Variants in MNAT1 observed in about 807,000 individuals in gnomAD.
The protein encoded by MNAT1 is MNAT1 component of CDK activating kinase, also known as CDK-activating kinase assembly factor MAT1.
A neutral mutation model predicts 42.0 loss-of-function variants in MNAT1; 43 were observed. The observed-to-expected ratio is 1.02, with a 90% CI of 0.80 to 1.32. The LOEUF (loss-of-function observed/expected upper bound fraction) is 1.32. Among genes scored for constraint, MNAT1 ranks in the 40% most tolerant of loss-of-function variants. The probability of loss-of-function intolerance (pLI) is 0.00; values close to 1 mark genes in which losing one functional copy is unlikely to be tolerated. For missense variants in MNAT1, 306 were observed against 350.4 expected (o/e 0.87, Z 1.01); for synonymous variants, 118 against 120.0 (o/e 0.98, Z 0.11).
intron 7 of MNAT1, chr14:60,880,171 T>G (rs1206418269): frequency 5.8e-6 from 1 of 173,526 alleles, no homozygotes; most frequent in East Asian, 1.6e-4. Context: ...AATAAAAATA[T>G]GAATTGGGCT....
chr14:60,862,353 T>C (rs962515638), intron 6 of MNAT1, among the ~76,000 whole-genome samples: 3 of 152,236 alleles, frequency 2.0e-5, no homozygotes, highest in African/African-American at 7.2e-5. Context: ...AAAAACTCTT[T>C]GTGCAATTAA....
Position 60,875,646 on chromosome 14 carries a change from G to A in MNAT1, c.688-4068G>A, listed in dbSNP as rs140668339. ...TAGTGCCTAGCACAGAATAAATAAT[G>A]TTAACTATTCTTATTCAGTGACCTT... On this transcript the variant is annotated intron_variant, in intron 6 of 7. Coordinates refer to ENST00000261245, the MANE Select transcript of MNAT1 (RefSeq NM_002431.4). Among the ~76,000 whole-genome samples the A allele has an allele frequency of 1.9e-3, 294 of 152,132 alleles. 1 individual carries two copies. Among genetic ancestry groups the A allele is most frequent in the African/African-American group, 6.5e-3 (268 of 41,546 alleles).
intron 6 of MNAT1, among the ~76,000 whole-genome samples, chr14:60,834,260 T>G (rs1003956353): frequency 6.6e-6 from 1 of 152,198 alleles, no homozygotes; most frequent in Non-Finnish European, 1.5e-5. Context: ...TTAATTGTGA[T>G]GTTAGTGTGT....
chr14:60,825,195 A>G (rs1266378491), intron 6 of MNAT1, among the ~76,000 whole-genome samples: 2 of 152,228 alleles, frequency 1.3e-5, no homozygotes, highest in Admixed American at 1.3e-4. Context: ...AAGAATATGT[A>G]GATTAAAATC....
In MNAT1 at chr14:60,798,068, C is replaced by CT; in HGVS notation, c.243-13dup. On this transcript the variant is annotated intron_variant, in intron 2 of 7. Transcript: ENST00000261245. ...GCAATGATATGTAATATGTAGATTT[C>CT]TTTTTTCTTTTCTTAAAGATACAAT... 8.1e-7 allele frequency: 1 copy of CT among 1,234,326 alleles called. No homozygotes were observed. The allele number at this position is 1,234,326 out of a possible 1,614,324, so 76.5% of individuals were successfully genotyped here.
chr14:60,741,435 C>T (rs560797318), intron 1 of MNAT1, among the ~76,000 whole-genome samples: 3 of 152,164 alleles, frequency 2.0e-5, no homozygotes, highest in South Asian at 4.2e-4. Context: ...TCTCAGCTCA[C>T]GGCAAGCTCC....
chr14:60,904,803 A>C (rs973985865), intron 7 of MNAT1, among the ~76,000 whole-genome samples: 3 of 152,038 alleles, frequency 2.0e-5, no homozygotes, highest in Non-Finnish European at 4.4e-5. Context: ...ATATTTTTAC[A>C]GGACCCTTAA....
chr14:60,775,409 C>G (rs1049655184), intron 1 of MNAT1, among the ~76,000 whole-genome samples: 1 of 152,114 alleles, frequency 6.6e-6, no homozygotes, highest in South Asian at 2.1e-4. Context: ...GCAGTATAGA[C>G]AACTCTTGTT....
chr14:60,911,324 G>T lies in MNAT1; in HGVS notation c.809+31489G>T, dbSNP rs550505675. 2.3e-4 allele frequency among the ~76,000 whole-genome samples: 35 copies of T among 151,940 alleles called. 1 individual carries two copies. In the South Asian group the frequency reaches 6.7e-3, roughly 29 times the overall value. ...AAGGGTTTTTTGTGTCTCTATTTCC[G>T]TCAGTTCTGCTCTGACTTAGTTATG... is the stretch of plus-strand genomic sequence containing the variant. On this transcript the variant is annotated intron_variant, in intron 7 of 7. Transcript: ENST00000261245.
chr14:60,822,718 ACAGGTGTGAGCCAGTGTGCT>A (rs1394577242), intron 6 of MNAT1, among the ~76,000 whole-genome samples: 2 of 151,474 alleles, frequency 1.3e-5, no homozygotes, highest in African/African-American at 2.4e-5. Context: ...TGCTAGGATT[ACAGGTGTGAGCCAGTGTGCT>A]CAGGCGGGAG....
intron 7 of MNAT1, among the ~76,000 whole-genome samples, chr14:60,964,595 C>A (rs1249986802): frequency 6.6e-6 from 1 of 152,114 alleles, no homozygotes; most frequent in Admixed American, 6.5e-5. Context: ...CCATGAAAAA[C>A]AGGAATAGTG....
intron 1 of MNAT1, among the ~76,000 whole-genome samples, chr14:60,742,200 T>A (rs1415282181): frequency 6.6e-6 from 1 of 152,040 alleles, no homozygotes; most frequent in Non-Finnish European, 1.5e-5. Flanking sequence ...ATCCTTCCAC[T>A]TCAGCCACCC....
intron 7 of MNAT1, among the ~76,000 whole-genome samples, chr14:60,910,797 T>G (rs537948339): frequency 2.5e-4 from 38 of 152,312 alleles, no homozygotes; most frequent in South Asian, 1.0e-3. Context: ...TTTTTGGTTG[T>G]GTCTCTGCCC....
At chr14:60,843,529 C>G (rs1034728575) in intron 6 of MNAT1, among the ~76,000 whole-genome samples, 1 of 152,130 alleles carries the variant, frequency 6.6e-6, no homozygotes, top group African/African-American at 2.4e-5. Flanking sequence ...CTCGGCCTCC[C>G]AAAGTGCTGG....
chr14:60,912,882 G>C (rs1417329688), intron 7 of MNAT1, among the ~76,000 whole-genome samples: 1 of 152,196 alleles, frequency 6.6e-6, no homozygotes, highest in Non-Finnish European at 1.5e-5. Flanking sequence ...TGCCTTGCTA[G>C]ATTGGGGAAG....
intron 6 of MNAT1, among the ~76,000 whole-genome samples, chr14:60,879,426 C>T (rs923135797): frequency 1.3e-5 from 2 of 152,102 alleles, no homozygotes; most frequent in African/African-American, 4.8e-5. Context: ...TTTGAAGTCT[C>T]TTGTATTTGA....
rs756041021 is a variant in MNAT1, at chr14:60,968,255, C to T, written c.836C>T (p.Ser279Leu). The T allele has an allele frequency of 6.2e-7, 1 of 1,613,344 alleles. No homozygotes were observed. Among genetic ancestry groups the T allele is most frequent in the Non-Finnish European group, 8.5e-7 (1 of 1,179,688 alleles). Residue 279 changes from serine to leucine, a missense_variant, in exon 8 of 8, where the codon TCA (serine) becomes TTA (leucine). By Grantham distance (145) the Ser-to-Leu change is moderately radical. Coordinates refer to ENST00000261245, the MANE Select transcript of MNAT1 (RefSeq NM_002431.4). ...LGYLNHVRAA[S>L]PQDLAGGYTS... ...TATTTAAACCATGTCAGAGCTGCCT[C>T]ACCACAGGACCTTGCTGGAGGCTAT...
intron 6 of MNAT1, among the ~76,000 whole-genome samples, chr14:60,855,329 T>C (rs2033929360): frequency 6.6e-6 from 1 of 151,852 alleles, no homozygotes; most frequent in African/African-American, 2.4e-5. Flanking sequence ...AATGGTTCTG[T>C]CTTGGTGGGG....
At chr14:60,829,840 G>A (rs1423653325) in intron 6 of MNAT1, among the ~76,000 whole-genome samples, 1 of 152,124 alleles carries the variant, frequency 6.6e-6, no homozygotes, top group Middle Eastern at 3.2e-3. Flanking sequence ...ACTGTATACT[G>A]CATTGCTTAA....
Sources: gnomAD v4.1 joint callset for allele counts (sites outside exome capture counted in the v4.1 genomes callset) on GRCh38, gnomAD v4.1.1 for gene constraint, MANE v1.5 for transcripts, NCBI Gene and HGNC (gene_info 2026-07-23, HGNC 2026-07-21) for gene names.